CAMK4: variants seen among roughly 807,000 people sequenced by gnomAD.
CAMK4 encodes the protein calcium/calmodulin-dependent protein kinase type IV.
A neutral mutation model predicts 44.9 loss-of-function variants in CAMK4; 22 were observed. The observed-to-expected ratio is 0.49, with a 90% CI of 0.35 to 0.70. The LOEUF (loss-of-function observed/expected upper bound fraction) is 0.70, where lower values mean the gene tolerates loss of function less well. Ranked by LOEUF, CAMK4 falls within the 30% of genes least tolerant of loss-of-function variation. The pLI is 0.01. For missense variants in CAMK4, 498 were observed against 586.8 expected, an observed-to-expected ratio of 0.85 and a Z score of 1.56; for synonymous variants, 218 against 215.4, an observed-to-expected ratio of 1.01 and a Z score of -0.11.
At chr5:111,367,986 A>C (rs769372994) in intron 2 of CAMK4, among the ~76,000 whole-genome samples, 1 of 151,660 alleles carries the variant, frequency 6.6e-6, no homozygotes, top group Admixed American at 6.6e-5. Context: ...CTTTTTCCTC[A>C]CTCTCACTGT....
At chr5:111,357,715 T>C (rs1232790053) in intron 2 of CAMK4, among the ~76,000 whole-genome samples, 1 of 152,080 alleles carries the variant, frequency 6.6e-6, no homozygotes, top group Non-Finnish European at 1.5e-5. Flanking sequence ...TAAAATTAAG[T>C]ACTCACAACT....
intron 5 of CAMK4, 38 bp downstream of exon 5, chr5:111,394,820 C>T: frequency 8.1e-7 from 1 of 1,240,532 alleles, no homozygotes; most frequent in Non-Finnish European, 1.2e-6. Context: ...AACTCTTAGT[C>T]ATCTCTTCCT....
In CAMK4 at chr5:111,493,875, A is replaced by G. The variant is rs1041767787; in HGVS notation, c.*9409A>G. ...CATTATTCCTGAAGACAAATGAAGG[A>G]AGATAGGGAGCAAGATTGACTGTCA... On this transcript the variant is annotated 3_prime_UTR_variant, in exon 11 of 11. Coordinates refer to ENST00000282356, the MANE Select transcript of CAMK4 (RefSeq NM_001744.6). This position sits in a 1 kb window ranked among gnomAD's most constrained non-coding sequence, Gnocchi z 4.1. 1 of 152,160 alleles carries G rather than the reference A, an allele frequency of 6.6e-6. No homozygotes were observed. The allele number at this position is 152,160 out of a possible 1,614,324, so 9.4% of individuals were successfully genotyped here. A position where few individuals can be genotyped will look rare whatever the true frequency, so the allele number is the denominator to read the frequency against.
chr5:111,399,607 A>C (rs917358459), intron 5 of CAMK4, among the ~76,000 whole-genome samples: 2 of 152,212 alleles, frequency 1.3e-5, no homozygotes, highest in African/African-American at 2.4e-5. Flanking sequence ...TGAAAACATG[A>C]AGAAAGAGCC....
At chr5:111,483,364 T>C (rs953274797) in intron 10 of CAMK4, among the ~76,000 whole-genome samples, 2 of 152,148 alleles carry the variant, frequency 1.3e-5, no homozygotes, top group Non-Finnish European at 2.9e-5. Flanking sequence ...ATTTAAAAAT[T>C]TAAGTGATAT....
At chr5:111,276,887 T>C (rs1750782936) in intron 1 of CAMK4, among the ~76,000 whole-genome samples, 1 of 152,182 alleles carries the variant, frequency 6.6e-6, no homozygotes, top group African/African-American at 2.4e-5. Flanking sequence ...TCCATTATCA[T>C]TTACTATGAT....
intron 2 of CAMK4, among the ~76,000 whole-genome samples, chr5:111,372,444 G>T (rs910498518): frequency 1.3e-5 from 2 of 152,116 alleles, no homozygotes; most frequent in African/African-American, 4.8e-5. Context: ...TTGAGAGAGA[G>T]CATCTCTCTT....
chr5:111,425,708 C>A (rs1187594432), intron 5 of CAMK4, among the ~76,000 whole-genome samples: 1 of 152,180 alleles, frequency 6.6e-6, no homozygotes, highest in Admixed American at 6.5e-5. Context: ...AACTTATTAG[C>A]TTTGCAAAAT....
intron 5 of CAMK4, among the ~76,000 whole-genome samples, chr5:111,441,932 CTTT>C (rs1162367647): frequency 6.6e-6 from 1 of 152,104 alleles, no homozygotes; most frequent in Non-Finnish European, 1.5e-5. Flanking sequence ...ATGTTTTATT[CTTT>C]ATTTTCTTTT....
rs1383282249 is a variant in CAMK4, at chr5:111,389,901, T to A, written c.387-4809T>A. 4.0e-5 allele frequency among the ~76,000 whole-genome samples: 6 copies of A among 151,748 alleles called. No homozygotes were observed. In the South Asian group the frequency reaches 8.3e-4, roughly 21 times the overall value. On this transcript the variant is annotated intron_variant, in intron 4 of 10. Coordinates refer to ENST00000282356, the MANE Select transcript of CAMK4 (RefSeq NM_001744.6). ...TGATAGAGATACCACAAAATCCACGTTTAGAGTAAAATGCAGAGAATGATG... is the reference window on the plus strand; with the variant it reads ...TGATAGAGATACCACAAAATCCACGATTAGAGTAAAATGCAGAGAATGATG...
chr5:111,341,715 G>C (rs1348175481), intron 1 of CAMK4, among the ~76,000 whole-genome samples: 1 of 151,166 alleles, frequency 6.6e-6, no homozygotes, highest in Non-Finnish European at 1.5e-5. Context: ...GCTTTAAATA[G>C]ATTAACACAT....
At chr5:111,233,957 G>T (rs1748592440) in intron 1 of CAMK4, among the ~76,000 whole-genome samples, 1 of 152,086 alleles carries the variant, frequency 6.6e-6, no homozygotes, top group Non-Finnish European at 1.5e-5. Context: ...AAGTATTAGA[G>T]AATCTGTTTT....
At chr5:111,457,240 A>G (rs1754448052) in intron 7 of CAMK4, among the ~76,000 whole-genome samples, 1 of 152,206 alleles carries the variant, frequency 6.6e-6, no homozygotes, top group Admixed American at 6.5e-5. Context: ...AAAATAAACA[A>G]TAATCTTCTC....
Position 111,389,689 on chromosome 5 carries a change from T to C in CAMK4, c.387-5021T>C, listed in dbSNP as rs577873022. Among the ~76,000 whole-genome samples, 11 of 152,312 alleles carry C rather than the reference T, an allele frequency of 7.2e-5. No individual in the cohort carries two copies. In the South Asian group the frequency reaches 2.1e-3, roughly 29 times the overall value. On this transcript the variant is annotated intron_variant, in intron 4 of 10. Coordinates refer to ENST00000282356, the MANE Select transcript of CAMK4 (RefSeq NM_001744.6). Reference sequence around the variant, plus strand: ...TATGGGGAAAATCCACACTGTTTGTTGTAGGCCAGAAGGTAATTGATTTTA... The same window carrying C: ...TATGGGGAAAATCCACACTGTTTGTCGTAGGCCAGAAGGTAATTGATTTTA...
chr5:111,403,863 C>T (rs1580706977), intron 5 of CAMK4, among the ~76,000 whole-genome samples: 1 of 152,200 alleles, frequency 6.6e-6, no homozygotes, highest in South Asian at 2.1e-4. Context: ...ACATGGACTT[C>T]CCTCTTTTGA....
In CAMK4 at chr5:111,290,073, A is replaced by C. The variant is rs1055466213; in HGVS notation, c.162-53951A>C. ...AGTATTGGTGAGAAGAGCCCATCCCACCTTTATCCCTAGGTTTCCAGACCT... is the reference window on the plus strand; with the variant it reads ...AGTATTGGTGAGAAGAGCCCATCCCCCCTTTATCCCTAGGTTTCCAGACCT... On this transcript the variant is annotated intron_variant, in intron 1 of 10. Transcript: ENST00000282356. The surrounding 1 kb of genome is among the most constrained non-coding windows in gnomAD (Gnocchi z 4.5). Among the ~76,000 whole-genome samples the C allele has an allele frequency of 6.6e-6, 1 of 152,082 alleles. No homozygotes were observed. Among genetic ancestry groups the C allele is most frequent in the Non-Finnish European group, 1.5e-5 (1 of 68,004 alleles).
chr5:111,368,751 C>G (rs1045154706), intron 2 of CAMK4, among the ~76,000 whole-genome samples: 6 of 152,080 alleles, frequency 3.9e-5, no homozygotes, highest in Non-Finnish European at 8.8e-5. Context: ...AGTTTACTCT[C>G]TTTGGATTGA....
chr5:111,441,982 A>T (rs1290804269), intron 5 of CAMK4, among the ~76,000 whole-genome samples: 2 of 152,078 alleles, frequency 1.3e-5, no homozygotes, highest in Non-Finnish European at 2.9e-5. Context: ...AAGTAATGAG[A>T]TTAGTGTTGA....
intron 5 of CAMK4, among the ~76,000 whole-genome samples, chr5:111,424,617 A>T (rs1219280667): frequency 6.6e-6 from 1 of 151,066 alleles, no homozygotes; most frequent in Non-Finnish European, 1.5e-5. Flanking sequence ...GCTAATTTTT[A>T]AAAATATTTT....
Sources: gnomAD v4.1 joint callset for allele counts (sites outside exome capture counted in the v4.1 genomes callset) on GRCh38, gnomAD v4.1.1 for gene constraint, Gnocchi (gnomAD v3.1) non-coding constraint, MANE v1.5 for transcripts, NCBI Gene and HGNC (gene_info 2026-07-23, HGNC 2026-07-21) for gene names.